The following ORMDL1 variants were observed in gnomAD, a reference collection of about 807,000 sequenced individuals.
The protein encoded by ORMDL1 is ORM1-like protein 1.
Under a neutral mutation model 13.0 loss-of-function variants are expected in ORMDL1, and 10 were observed. That is an observed-to-expected ratio of 0.77 (90% CI 0.47 to 1.30). The LOEUF is 1.30. ORMDL1 is among the 50% of genes most tolerant of loss of function. The pLI is 0.00. For missense variants in ORMDL1, 171 were observed against 186.7 expected (o/e 0.92, Z 0.49); for synonymous variants, 61 against 63.9 (o/e 0.95, Z 0.22).
chr2:189,767,274 G>A (rs1370475255), downstream of ORMDL1, among the ~76,000 whole-genome samples: 1 of 152,226 alleles, frequency 6.6e-6, no homozygotes, highest in Non-Finnish European at 1.5e-5. Context: ...TGACTGTTAA[G>A]TGCTGTGTTA....
the ORMDL1 span, chr2:189,764,070 G>C: frequency 6.6e-6 from 1 of 152,168 alleles, no homozygotes; most frequent in African/African-American, 2.4e-5. Flanking sequence ...AGCAAAGCTA[G>C]GATTAGAAGT....
chr2:189,767,479 G>A (rs537914159), downstream of ORMDL1, among the ~76,000 whole-genome samples: 12 of 152,128 alleles, frequency 7.9e-5, no homozygotes, highest in South Asian at 2.5e-3. Context: ...AAAACTCCGG[G>A]GTTTTCAAAA....
intron 1 of ORMDL1, 106 bp from the exon 2 acceptor site, chr2:189,783,229 C>CTA (rs1438477137): frequency 2.5e-4 from 38 of 152,314 alleles, no homozygotes; most frequent in African/African-American, 9.1e-4. Flanking sequence ...GAATATTTCT[C>CTA]TAGTCAAATC....
In ORMDL1 at chr2:189,771,840, G is replaced by C; in HGVS notation, c.389C>G (p.Ser130Cys). 6.2e-7 allele frequency: 1 copy of C among 1,610,752 alleles called. No homozygotes were observed. The highest frequency in any genetic ancestry group is 8.5e-7 in the Non-Finnish European group (1 of 1,177,460). Residue 130 changes from serine to cysteine, a missense_variant, in exon 5 of 5, where the codon TCT becomes TGT. Coordinates refer to ENST00000392349, the MANE Select transcript of ORMDL1 (RefSeq NM_016467.5). Reference protein sequence around the residue: ...DPTHFILNTASLLSVLIPKMP... With the variant: ...DPTHFILNTACLLSVLIPKMP... ...TTTGGGAATTAGTACACTCAGGAGA[G>C]AAGCTGTGTTTAGGATGAAGTGAGT...
At chr2:189,778,299 G>A (rs922903283) in intron 3 of ORMDL1, 40 of 430,034 alleles carry the variant, frequency 9.3e-5, no homozygotes, top group Middle Eastern at 7.5e-4. Context: ...GGAGGCTGAG[G>A]CAGGAGAATC....
rs1245432337 is a variant in ORMDL1 at position 189,782,485 on chromosome 2, T to G, written c.111A>C (p.Leu37Phe). The G allele has an allele frequency of 6.2e-7, 1 of 1,614,050 alleles. No homozygotes were observed. The highest frequency in any genetic ancestry group is 8.5e-7 in the Non-Finnish European group (1 of 1,180,008). The change falls in exon 3 of 5, where the codon TTA becomes TTC. Residue 37 changes from leucine to phenylalanine, a missense_variant. Physicochemically the swap from Leu to Phe is conservative, Grantham distance 22. Coordinates refer to ENST00000392349, the MANE Select transcript of ORMDL1 (RefSeq NM_016467.5). ...GAACACTGAAGAAGGGAATGCTGAG[T>G]AAGACAATATGAAGCAAGCCAACTC... ...ALGVGLLHIV[L>F]LSIPFFSVPV...
intron 3 of ORMDL1, chr2:189,778,531 G>A (rs7591929): frequency 0.68 from 298,024 of 440,426 alleles, 106,464 homozygotes; most frequent in South Asian, 0.76. Context: ...TGGGAGTTGT[G>A]TAGATTCCTG....
intron 3 of ORMDL1, among the ~76,000 whole-genome samples, chr2:189,779,721 A>C (rs2106154206): frequency 6.6e-6 from 1 of 152,338 alleles, no homozygotes; most frequent in Non-Finnish European, 1.5e-5. Flanking sequence ...AGGGTAGAGA[A>C]GCATCAAGAA....
downstream of ORMDL1, among the ~76,000 whole-genome samples, chr2:189,769,204 A>G (rs1443296552): frequency 1.3e-5 from 2 of 152,116 alleles, no homozygotes; most frequent in African/African-American, 4.8e-5. Context: ...CCTGACCAAC[A>G]TGGTGAAATC....
At chr2:189,773,959 A>G (rs1458007170) in intron 4 of ORMDL1, 1 of 152,152 alleles carries the variant, frequency 6.6e-6, no homozygotes, top group Non-Finnish European at 1.5e-5. Flanking sequence ...TTTTTGTGTG[A>G]TAGCTGTGAT....
chr2:189,779,572 T>G (rs1157668435), intron 3 of ORMDL1, among the ~76,000 whole-genome samples: 1 of 152,252 alleles, frequency 6.6e-6, no homozygotes, highest in Non-Finnish European at 1.5e-5. Flanking sequence ...GTTTCTGCAC[T>G]GTTATCAACT....
downstream of ORMDL1, among the ~76,000 whole-genome samples, chr2:189,766,737 AC>A (rs1321154985): frequency 4.5e-4 from 65 of 143,982 alleles, no homozygotes; most frequent in East Asian, 9.5e-3. Flanking sequence ...AAAAAAAAAA[AC>A]AAAACAAAAA....
chr2:189,775,523 C>G, intron 4 of ORMDL1, 42 bp downstream of exon 4: 1 of 1,513,064 alleles, frequency 6.6e-7, no homozygotes, highest in Non-Finnish European at 8.9e-7. Context: ...ATATCTTCCT[C>G]TTATCCAATC....
intron 4 of ORMDL1, chr2:189,773,912 A>G (rs1056872586): frequency 4.6e-5 from 7 of 152,226 alleles, no homozygotes; most frequent in African/African-American, 1.7e-4. Flanking sequence ...ACATTTTGAG[A>G]AATATGGACA....
At chr2:189,778,778 C>G (rs1419924341) in intron 3 of ORMDL1, among the ~76,000 whole-genome samples, 1 of 152,008 alleles carries the variant, frequency 6.6e-6, no homozygotes, top group Non-Finnish European at 1.5e-5. Context: ...GCCTGTAGTC[C>G]CATCTGTTCA....
downstream of ORMDL1, among the ~76,000 whole-genome samples, chr2:189,769,665 T>C (rs2047539065): frequency 6.6e-6 from 1 of 152,104 alleles, no homozygotes; most frequent in African/African-American, 2.4e-5. Flanking sequence ...TAATAATGGA[T>C]TATAACCCAA....
At chr2:189,764,376 G>A in the ORMDL1 span, 1 of 152,148 alleles carries the variant, frequency 6.6e-6, no homozygotes, top group Non-Finnish European at 1.5e-5. Flanking sequence ...AGATCCTATT[G>A]TGTGTGCTAT....
rs1194217472 is a variant in ORMDL1, at chr2:189,771,641, GC to G, written c.*125del. 1 of 786,386 alleles carries G rather than the reference GC, an allele frequency of 1.3e-6. No homozygotes were observed. Among genetic ancestry groups the G allele is most frequent in the Non-Finnish European group, 1.9e-6 (1 of 524,510 alleles). 48.7% of individuals were successfully genotyped at this position (786,386 alleles called of 1,614,324 possible). A position where few individuals can be genotyped will look rare whatever the true frequency, so the allele number is the denominator to read the frequency against. ...CTTCAAAACAGCACTTGAAGGACCA[GC>G]CATTGGCCCTCCAATGTAAATACTT... On this transcript the variant is annotated 3_prime_UTR_variant, in exon 5 of 5. Coordinates refer to ENST00000392349, the MANE Select transcript of ORMDL1 (RefSeq NM_016467.5).
At chr2:189,769,297 G>A (rs548490418), downstream of ORMDL1, among the ~76,000 whole-genome samples, 184 of 151,994 alleles carry the variant, frequency 1.2e-3, 2 homozygotes, top group African/African-American at 4.0e-3. Context: ...TGAGGCAGGA[G>A]AATTGCTTGA....
Sources: allele counts gnomAD v4.1 joint callset (sites outside exome capture counted in the v4.1 genomes callset), GRCh38; gene constraint gnomAD v4.1.1; transcripts MANE v1.5; gene names NCBI Gene and HGNC (gene_info 2026-07-23, HGNC 2026-07-21).